SORCS2: variants seen among roughly 807,000 people sequenced by gnomAD.
SORCS2 encodes VPS10 domain-containing receptor SorCS2.
SORCS2 carries 100 observed loss-of-function variants against 141.6 expected under a neutral mutation model. The ratio of observed to expected loss-of-function variants is 0.71; its 90% CI spans 0.60 to 0.83. The LOEUF is 0.83. SORCS2 is among the 40% of genes least tolerant of loss of function. SORCS2 has a pLI of 0.00. For synonymous variants in SORCS2, 789 were observed against 676.9 expected (o/e 1.17, Z -2.57); for missense variants, 1,646 against 1,560.2 (o/e 1.05, Z -0.93).
chr4:7,465,896 G>A (rs1001782015), intron 2 of SORCS2, among the ~76,000 whole-genome samples: 22 of 152,138 alleles, frequency 1.4e-4, no homozygotes, highest in Non-Finnish European at 2.9e-4. Flanking sequence ...CATCATTCCC[G>A]TTTTGCAGAT....
At chr4:7,436,710 G>T (rs1012991977) in intron 2 of SORCS2, among the ~76,000 whole-genome samples, 4 of 152,222 alleles carry the variant, frequency 2.6e-5, no homozygotes, top group African/African-American at 7.2e-5. Flanking sequence ...TGGGCCCTGG[G>T]TGTGTATTAA....
Position 7,742,436 on chromosome 4 carries a change from C to T in SORCS2, c.*2172C>T, listed in dbSNP as rs950465444. 1.9e-4 allele frequency: 29 copies of T among 152,398 alleles called. No homozygotes were observed. Among genetic ancestry groups the T allele is most frequent in the African/African-American group, 6.7e-4 (28 of 41,578 alleles). 9.4% of individuals were successfully genotyped at this position (152,398 alleles called of 1,614,324 possible). On this transcript the variant is annotated 3_prime_UTR_variant, in exon 27 of 27. Transcript: ENST00000507866. ...TAGCCACTCTAGGTCGTTGGCCTTC[C>T]TTGACCACTCCATTTAATTCTCTCT...
At chr4:7,600,299 T>C (rs1162575862) in intron 3 of SORCS2, among the ~76,000 whole-genome samples, 3 of 152,112 alleles carry the variant, frequency 2.0e-5, no homozygotes, top group Non-Finnish European at 4.4e-5. Context: ...CCAAAATGGG[T>C]GTCACTGGGC....
intron 1 of SORCS2, among the ~76,000 whole-genome samples, chr4:7,214,393 C>T (rs951362483): frequency 6.6e-6 from 1 of 152,148 alleles, no homozygotes; most frequent in South Asian, 2.1e-4. Flanking sequence ...TTTCTGCCTC[C>T]CACCATAGGA....
At chr4:7,551,825 C>G (rs1214116258) in intron 3 of SORCS2, among the ~76,000 whole-genome samples, 1 of 152,124 alleles carries the variant, frequency 6.6e-6, no homozygotes, top group African/African-American at 2.4e-5. Flanking sequence ...GGGCTGGGTC[C>G]CAGTTTGTGA....
At chr4:7,689,058 C>T (rs1050046631) in intron 10 of SORCS2, among the ~76,000 whole-genome samples, 4 of 152,194 alleles carry the variant, frequency 2.6e-5, no homozygotes, top group Non-Finnish European at 4.4e-5. Context: ...GCTGTGCAGG[C>T]TCCAGGAATC....
At chr4:7,576,879 A>T (rs541653369) in intron 3 of SORCS2, among the ~76,000 whole-genome samples, 1 of 152,228 alleles carries the variant, frequency 6.6e-6, no homozygotes, top group South Asian at 2.1e-4. Flanking sequence ...GACCACAGCA[A>T]CTCAGTTCTA....
chr4:7,434,543 C>T (rs1727151753), intron 2 of SORCS2: 9 of 1,613,230 alleles, frequency 5.6e-6, no homozygotes, highest in Non-Finnish European at 7.6e-6. Context: ...GAACTGTGGG[C>T]ATCCACCATC....
intron 1 of SORCS2, among the ~76,000 whole-genome samples, chr4:7,293,390 C>T (rs993491715): frequency 6.6e-6 from 1 of 152,000 alleles, no homozygotes; most frequent in African/African-American, 2.4e-5. Context: ...TTCTGTCATA[C>T]ACAATCTCAC....
chr4:7,348,215 A>G (rs1720747699), intron 1 of SORCS2, among the ~76,000 whole-genome samples: 1 of 152,256 alleles, frequency 6.6e-6, no homozygotes, highest in African/African-American at 2.4e-5. Context: ...ATTACTCACC[A>G]TTAACTCTAC....
intron 2 of SORCS2, among the ~76,000 whole-genome samples, chr4:7,458,818 C>G (rs573707738): frequency 1.4e-3 from 207 of 152,052 alleles, no homozygotes; most frequent in Non-Finnish European, 2.2e-3. Context: ...CCCCAGGGGT[C>G]AGGGGAGTCT....
intron 5 of SORCS2, among the ~76,000 whole-genome samples, chr4:7,656,945 C>A (rs1721817000): frequency 6.6e-6 from 1 of 152,388 alleles, no homozygotes; most frequent in Admixed American, 6.5e-5. Flanking sequence ...GCCGCCTGCC[C>A]CCGGCCAGCT....
intron 26 of SORCS2, among the ~76,000 whole-genome samples, chr4:7,738,232 G>T (rs1712356965): frequency 6.6e-6 from 1 of 152,244 alleles, no homozygotes; most frequent in African/African-American, 2.4e-5. Flanking sequence ...CCAGAGGGCT[G>T]GGAGCCTGTG....
intron 23 of SORCS2, among the ~76,000 whole-genome samples, chr4:7,731,257 C>A (rs1711659777): frequency 6.6e-6 from 1 of 152,096 alleles, no homozygotes; most frequent in Non-Finnish European, 1.5e-5. Context: ...CAAATTAAAC[C>A]AAGGTGGTGA....
At chr4:7,507,723 C>T (rs968704670) in intron 2 of SORCS2, among the ~76,000 whole-genome samples, 5 of 143,446 alleles carry the variant, frequency 3.5e-5, no homozygotes, top group Admixed American at 7.3e-5. Context: ...GGAAAAATGT[C>T]AGTGGTCCAT....
chr4:7,663,771 C>T lies in SORCS2; in HGVS notation c.953-582C>T, dbSNP rs1722330261. ...GGAGGAGGCACCCTTCCCTTGGTCC[C>T]CTTGGATAAATCTTCCTCCTGGCTC... On this transcript the variant is annotated intron_variant, in intron 6 of 26. Transcript: ENST00000507866. This position sits in a 1 kb window ranked among gnomAD's most constrained non-coding sequence, Gnocchi z 4.8. 6.6e-6 allele frequency among the ~76,000 whole-genome samples: 1 copy of T among 152,120 alleles called. No individual in the cohort carries two copies. The highest frequency in any genetic ancestry group is 1.5e-5 in the Non-Finnish European group (1 of 68,020).
At chr4:7,278,247 G>T (rs143445258) in intron 1 of SORCS2, among the ~76,000 whole-genome samples, 37 of 152,298 alleles carry the variant, frequency 2.4e-4, no homozygotes, top group Non-Finnish European at 4.6e-4. Context: ...CTCTAACATG[G>T]GCATCCCTCT....
At chr4:7,651,872 A>G (rs1721469374) in intron 4 of SORCS2, among the ~76,000 whole-genome samples, 1 of 152,156 alleles carries the variant, frequency 6.6e-6, no homozygotes, top group Admixed American at 6.5e-5. Context: ...GGGGACTCGG[A>G]AGGCACATTC....
intron 3 of SORCS2, among the ~76,000 whole-genome samples, chr4:7,554,754 A>G (rs36106587): frequency 0.15 from 22,488 of 152,182 alleles, 1,680 homozygotes; most frequent in Non-Finnish European, 0.16. Context: ...AGAACATCCC[A>G]AAGAGAAATG....
Sources: allele counts gnomAD v4.1 joint callset (sites outside exome capture counted in the v4.1 genomes callset), GRCh38; gene constraint gnomAD v4.1.1; non-coding constraint Gnocchi (gnomAD v3.1); transcripts MANE v1.5; gene names NCBI Gene and HGNC (gene_info 2026-07-23, HGNC 2026-07-21).